C10orf67: variants seen among roughly 807,000 people sequenced by gnomAD.
C10orf67 encodes the protein uncharacterized protein C10orf67, mitochondrial.
C10orf67 carries 60 observed loss-of-function variants against 35.6 expected under a neutral mutation model. The observed-to-expected ratio is 1.68, with a 90% CI of 1.37 to 2.09. C10orf67 has a LOEUF of 2.09. C10orf67 is among the 30% of genes most tolerant of loss of function. C10orf67 has a pLI of 0.00. For synonymous variants in C10orf67, 167 were observed against 115.8 expected (o/e 1.44, Z -2.84); for missense variants, 474 against 330.2 (o/e 1.44, Z -3.38).
chr10:23,287,729 A>G (rs1222908655), intron 7 of C10orf67, among the ~76,000 whole-genome samples: 1 of 152,240 alleles, frequency 6.6e-6, no homozygotes, highest in Admixed American at 6.5e-5. Flanking sequence ...CATCTGACAA[A>G]GGTCTAATAT....
chr10:23,318,907 G>T (rs745654884), intron 4 of C10orf67: 8 of 777,482 alleles, frequency 1.0e-5, no homozygotes, highest in Non-Finnish European at 1.9e-5. Context: ...TCAATGTTTG[G>T]TTTCACAGTG....
At chr10:23,293,164 T>C (rs1385407513) in intron 5 of C10orf67, among the ~76,000 whole-genome samples, 1 of 152,184 alleles carries the variant, frequency 6.6e-6, no homozygotes, top group Non-Finnish European at 1.5e-5. Flanking sequence ...AGATGAAGTG[T>C]AAAATTTACA....
chr10:23,258,930 G>C (rs545890775), intron 10 of C10orf67, among the ~76,000 whole-genome samples: 1 of 152,226 alleles, frequency 6.6e-6, no homozygotes, highest in South Asian at 2.1e-4. Flanking sequence ...TCTTCTTGTA[G>C]CAAATGAAAG....
At chr10:23,331,593 G>A (rs188348999) in intron 2 of C10orf67, among the ~76,000 whole-genome samples, 70 of 125,878 alleles carry the variant, frequency 5.6e-4, no homozygotes, top group Middle Eastern at 3.8e-3. Flanking sequence ...GGAGGGGAGG[G>A]GAACCTGGAG....
chr10:23,239,256 T>C (rs1423691401), intron 13 of C10orf67, among the ~76,000 whole-genome samples: 2 of 152,184 alleles, frequency 1.3e-5, no homozygotes, highest in Admixed American at 6.5e-5. Flanking sequence ...GGCTAAATAA[T>C]AGCATAATTT....
At chr10:23,255,717 A>G (rs969446798) in intron 10 of C10orf67, among the ~76,000 whole-genome samples, 2 of 152,226 alleles carry the variant, frequency 1.3e-5, no homozygotes, top group African/African-American at 4.8e-5. Context: ...AAAAGAAATA[A>G]TATCTCAGGA....
chr10:23,256,665 C>T (rs1437988201), intron 10 of C10orf67, among the ~76,000 whole-genome samples: 1 of 151,872 alleles, frequency 6.6e-6, no homozygotes, highest in African/African-American at 2.4e-5. Flanking sequence ...AAAAGTGGAG[C>T]TTGCACTCAC....
intron 3 of C10orf67, among the ~76,000 whole-genome samples, chr10:23,321,587 G>A (rs1844959110): frequency 6.6e-6 from 1 of 152,164 alleles, no homozygotes; most frequent in South Asian, 2.1e-4. Flanking sequence ...CTGACCTTAA[G>A]CAAGTTACTT....
At chr10:23,249,131 C>CAAAA (rs57702096) in intron 12 of C10orf67, among the ~76,000 whole-genome samples, 14 of 21,562 alleles carry the variant, frequency 6.5e-4, no homozygotes, top group Non-Finnish European at 7.8e-4. Context: ...AACTCCCTCT[C>CAAAA]AAAAAAAAAA....
At chr10:23,242,194 C>T (rs142267285) in intron 12 of C10orf67, among the ~76,000 whole-genome samples, 5,647 of 152,124 alleles carry the variant, frequency 0.037, 326 homozygotes, top group African/African-American at 0.13. Context: ...TGGTCTTGAA[C>T]TCCTGACCTC....
At chr10:23,294,388 AACAC>A (rs367859433) in intron 5 of C10orf67, among the ~76,000 whole-genome samples, 1 of 151,052 alleles carries the variant, frequency 6.6e-6, no homozygotes, top group African/African-American at 2.4e-5. Context: ...CACACACAGA[AACAC>A]ACACACACAC....
chr10:23,233,720 C>G (rs1009799420), intron 13 of C10orf67, among the ~76,000 whole-genome samples: 1 of 152,090 alleles, frequency 6.6e-6, no homozygotes, highest in Non-Finnish European at 1.5e-5. Flanking sequence ...AGGGCTGAGA[C>G]GAAGTTCAGG....
chr10:23,275,580 C>T (rs916327091), intron 8 of C10orf67, among the ~76,000 whole-genome samples: 1 of 145,286 alleles, frequency 6.9e-6, no homozygotes, highest in African/African-American at 2.6e-5. Context: ...ATTACCCCTA[C>T]ACACACATAC....
chr10:23,325,208 G>A (rs2132354313), intron 2 of C10orf67, among the ~76,000 whole-genome samples: 1 of 152,176 alleles, frequency 6.6e-6, no homozygotes, highest in East Asian at 1.9e-4. Context: ...GTGGTGGTGT[G>A]TAGCCTGTAG....
intron 4 of C10orf67, among the ~76,000 whole-genome samples, chr10:23,311,276 T>C (rs1726932074): frequency 6.6e-6 from 1 of 152,242 alleles, no homozygotes; most frequent in Admixed American, 6.5e-5. Context: ...AGCCTAATCA[T>C]GTGACCACTT....
chr10:23,284,118 A>G (rs1184487324), intron 7 of C10orf67, among the ~76,000 whole-genome samples: 1 of 150,822 alleles, frequency 6.6e-6, no homozygotes, highest in Admixed American at 6.6e-5. Flanking sequence ...AGGGCTTAAA[A>G]AAAAAAAAAA....
intron 15 of C10orf67, among the ~76,000 whole-genome samples, chr10:23,217,383 T>C (rs1320447493): frequency 2.0e-5 from 3 of 152,206 alleles, no homozygotes; most frequent in African/African-American, 7.2e-5. Context: ...AGGGTACACT[T>C]GGTAAGCCCA....
At chr10:23,239,688 T>C (rs1319009625) in intron 13 of C10orf67, 41 bp downstream of exon 13, 1 of 618,178 alleles carries the variant, frequency 1.6e-6, no homozygotes, top group East Asian at 2.8e-5. Context: ...GACAGGTATA[T>C]TCAAAGAGAC....
rs1449744047 is a variant in C10orf67, at chr10:23,241,735, G to A, written c.1347-1919C>T. Among the ~76,000 whole-genome samples, 3 of 151,942 alleles carry A rather than the reference G, an allele frequency of 2.0e-5. 1 individual carries two copies. Among genetic ancestry groups the A allele is most frequent in the South Asian group, 2.1e-4 (1 of 4,812 alleles). ...TAAGAATGAAGCAGAAATAATACAT[G>A]GAAAGATAATAGCTAAGAATGTTCC... On this transcript the variant is annotated intron_variant, in intron 12 of 15. Coordinates refer to ENST00000636213, the MANE Select transcript of C10orf67 (RefSeq NM_001371909.1).
Sources: allele counts gnomAD v4.1 joint callset (sites outside exome capture counted in the v4.1 genomes callset), GRCh38; gene constraint gnomAD v4.1.1; transcripts MANE v1.5; gene names NCBI Gene and HGNC (gene_info 2026-07-23, HGNC 2026-07-21).